The following GNAT3 variants were observed in gnomAD, a reference collection of about 807,000 sequenced individuals.
GNAT3 encodes guanine nucleotide-binding protein G(t) subunit alpha-3.
Under a neutral mutation model 37.7 loss-of-function variants are expected in GNAT3, and 31 were observed. That is an observed-to-expected ratio of 0.82 (90% confidence interval 0.62 to 1.11). The LOEUF (loss-of-function observed/expected upper bound fraction) is 1.11. GNAT3 is among the 50% of genes most tolerant of loss of function. GNAT3 has a pLI of 0.00. For missense variants in GNAT3, 437 were observed against 412.5 expected, an observed-to-expected ratio of 1.06 and a Z score of -0.51; for synonymous variants, 138 against 139.8, an observed-to-expected ratio of 0.99 and a Z score of 0.09.
intron 1 of GNAT3, among the ~76,000 whole-genome samples, chr7:80,495,051 C>T (rs1337985837): frequency 6.6e-6 from 1 of 151,772 alleles, no homozygotes; most frequent in African/African-American, 2.4e-5. Flanking sequence ...CATTTGCTGG[C>T]AAAGACATCA....
At chr7:80,501,458 AT>A (rs1379928240) in intron 1 of GNAT3, among the ~76,000 whole-genome samples, 1 of 151,994 alleles carries the variant, frequency 6.6e-6, no homozygotes, top group Non-Finnish European at 1.5e-5. Context: ...CCAAAATACT[AT>A]TTGCATGCTT....
chr7:80,475,361 TA>T (rs79721201), intron 4 of GNAT3, among the ~76,000 whole-genome samples: 4,991 of 120,902 alleles, frequency 0.041, 197 homozygotes, highest in African/African-American at 0.12. Context: ...GTCTTCATAC[TA>T]AAAAAAAAAA....
chr7:80,502,491 A>G (rs559327309), intron 1 of GNAT3, among the ~76,000 whole-genome samples: 45 of 152,122 alleles, frequency 3.0e-4, no homozygotes, highest in Admixed American at 9.8e-4. Context: ...ATAGTCATGT[A>G]TACTATTTTT....
At chr7:80,505,637 A>T (rs1562736304) in intron 1 of GNAT3, among the ~76,000 whole-genome samples, 1 of 152,190 alleles carries the variant, frequency 6.6e-6, no homozygotes, top group Admixed American at 6.5e-5. Context: ...AAGTGCTGGG[A>T]TTACAGGCGT....
intron 1 of GNAT3, among the ~76,000 whole-genome samples, chr7:80,500,270 A>G (rs989602913): frequency 6.6e-6 from 1 of 151,810 alleles, no homozygotes; most frequent in Non-Finnish European, 1.5e-5. Context: ...TGGTAATTAA[A>G]GTTTTTCTAC....
At chr7:80,470,181 T>G (rs1051913783) in intron 5 of GNAT3, among the ~76,000 whole-genome samples, 1 of 152,046 alleles carries the variant, frequency 6.6e-6, no homozygotes, top group African/African-American at 2.4e-5. Flanking sequence ...TTTTAGTATA[T>G]AGCGAAGAGG....
chr7:80,483,029 C>A (rs370434067), intron 3 of GNAT3, among the ~76,000 whole-genome samples: 1 of 151,894 alleles, frequency 6.6e-6, no homozygotes, highest in South Asian at 2.1e-4. Flanking sequence ...TAAATTTGTG[C>A]GTGCATAGTT....
chr7:80,487,287 G>A (rs1403007663), intron 3 of GNAT3, among the ~76,000 whole-genome samples: 3 of 152,094 alleles, frequency 2.0e-5, no homozygotes, highest in African/African-American at 4.8e-5. Context: ...AAAGGATCTT[G>A]GAGTTCGACT....
intron 5 of GNAT3, among the ~76,000 whole-genome samples, chr7:80,470,507 C>T (rs1484207091): frequency 1.3e-5 from 2 of 152,184 alleles, no homozygotes; most frequent in Non-Finnish European, 2.9e-5. Context: ...AGGTGTGAGC[C>T]ACCACGCCCA....
At chr7:80,459,041 G>A (rs1790003709) in intron 7 of GNAT3, among the ~76,000 whole-genome samples, 180 bp from the exon 8 acceptor site, 1 of 152,136 alleles carries the variant, frequency 6.6e-6, no homozygotes, top group South Asian at 2.1e-4. Context: ...GGAGCTCCCG[G>A]TGGCTAAAAG....
intron 2 of GNAT3, among the ~76,000 whole-genome samples, chr7:80,490,534 T>G (rs1790571775): frequency 6.6e-6 from 1 of 152,116 alleles, no homozygotes; most frequent in African/African-American, 2.4e-5. Context: ...GCAGTGATAA[T>G]CAGCTGATTG....
intron 2 of GNAT3, among the ~76,000 whole-genome samples, chr7:80,493,180 C>T (rs2116202313): frequency 6.6e-6 from 1 of 151,502 alleles, no homozygotes; most frequent in South Asian, 2.1e-4. Flanking sequence ...TTTATTTAAG[C>T]TCATAGAGAA....
chr7:80,482,344 T>C (rs1010611670), intron 3 of GNAT3, among the ~76,000 whole-genome samples: 3 of 152,202 alleles, frequency 2.0e-5, no homozygotes, highest in Admixed American at 2.0e-4. Context: ...TTAGGAGGAA[T>C]GATGCCATAA....
intron 5 of GNAT3, among the ~76,000 whole-genome samples, chr7:80,464,409 G>A (rs922404751): frequency 1.3e-5 from 2 of 152,064 alleles, no homozygotes; most frequent in African/African-American, 4.8e-5. Flanking sequence ...CTTCAGGAGT[G>A]AGCCTCATGT....
At chr7:80,480,083 A>C (rs141838447) in intron 3 of GNAT3, among the ~76,000 whole-genome samples, 109 of 152,326 alleles carry the variant, frequency 7.2e-4, no homozygotes, top group African/African-American at 2.5e-3. Flanking sequence ...TAGCTTTATG[A>C]CAAATCATTT....
chr7:80,497,567 T>C (rs184407427), intron 1 of GNAT3, among the ~76,000 whole-genome samples: 32 of 142,220 alleles, frequency 2.3e-4, no homozygotes, highest in Admixed American at 9.1e-4. Context: ...TACATATACG[T>C]ATATACATAT....
At chr7:80,474,603 T>C (rs561891111) in intron 4 of GNAT3, among the ~76,000 whole-genome samples, 1 of 152,290 alleles carries the variant, frequency 6.6e-6, no homozygotes, top group African/African-American at 2.4e-5. Flanking sequence ...GCTCATCGAA[T>C]TAAAAGTTTG....
At chr7:80,509,536 T>A (rs894395153) in intron 1 of GNAT3, among the ~76,000 whole-genome samples, 1 of 152,136 alleles carries the variant, frequency 6.6e-6, no homozygotes, top group Non-Finnish European at 1.5e-5. Context: ...CTTTTATACT[T>A]CTGGTACAAA....
Position 80,458,672 on chromosome 7 carries a change from T to A in GNAT3, c.1064A>T (p.Ter355LeuextTer?). ...AAGAGTGGAAGAGAAAATAGTTGAT[T>A]AGAAAAGCCCACAGTCTTTTAGATT... The part of the protein sequence containing the change: ...KENLKDCGLF[*>L] The change falls in exon 8 of 8, where the codon TAA (stop) becomes TTA (leucine). Residue 355 changes from the stop codon to leucine, a stop_lost. Coordinates refer to ENST00000398291, the MANE Select transcript of GNAT3 (RefSeq NM_001102386.3). 6.6e-7 allele frequency: 1 copy of A among 1,513,314 alleles called. No individual in the cohort carries two copies. The highest frequency in any genetic ancestry group is 8.9e-7 in the Non-Finnish European group (1 of 1,124,932). The allele number at this position is 1,513,314 out of a possible 1,614,324, so 93.7% of individuals were successfully genotyped here. A position where few individuals can be genotyped will look rare whatever the true frequency, so the allele number is the denominator to read the frequency against.
Sources: allele counts gnomAD v4.1 joint callset (sites outside exome capture counted in the v4.1 genomes callset), GRCh38; gene constraint gnomAD v4.1.1; transcripts MANE v1.5; gene names NCBI Gene and HGNC (gene_info 2026-07-23, HGNC 2026-07-21).